ZNF8: variants seen among roughly 807,000 people sequenced by gnomAD.
ZNF8 encodes zinc finger protein 8.
A neutral mutation model predicts 12.2 loss-of-function variants in ZNF8; 9 were observed. The observed-to-expected ratio is 0.73, with a 90% CI of 0.44 to 1.28. The LOEUF (loss-of-function observed/expected upper bound fraction) is 1.28, where lower values mean the gene tolerates loss of function less well. ZNF8 is among the 50% of genes most tolerant of loss of function. ZNF8 has a pLI of 0.00. For synonymous variants in ZNF8, 274 were observed against 282.3 expected (o/e 0.97, Z 0.30); for missense variants, 664 against 729.1 (o/e 0.91, Z 1.03).
chr19:58,279,378 G>A, intron 1 of ZNF8: 2 of 1,455,080 alleles, frequency 1.4e-6, no homozygotes, highest in African/African-American at 1.4e-5. Flanking sequence ...ACGCGGCTCT[G>A]TCCTCCCCAG....
intron 2 of ZNF8, 70 bp from the exon 3 acceptor site, chr19:58,286,040 G>A (rs1234137540): frequency 7.2e-6 from 11 of 1,532,198 alleles, no homozygotes; most frequent in Non-Finnish European, 9.0e-6. Flanking sequence ...CGGGAGTCTG[G>A]TCTGGAGCCT....
intron 3 of ZNF8, among the ~76,000 whole-genome samples, chr19:58,287,845 T>C (rs953540428): frequency 6.9e-6 from 1 of 144,286 alleles, no homozygotes; most frequent in African/African-American, 2.5e-5. Flanking sequence ...CTTTTTTTCT[T>C]TTTTTTTCTT....
At chr19:58,289,750 T>C (rs2147958056) in intron 3 of ZNF8, among the ~76,000 whole-genome samples, 1 of 152,058 alleles carries the variant, frequency 6.6e-6, no homozygotes. Flanking sequence ...CCCTCCTATA[T>C]GGACTCTTTG....
At chr19:58,284,315 C>G (rs1294858998) in intron 1 of ZNF8, among the ~76,000 whole-genome samples, 1 of 152,216 alleles carries the variant, frequency 6.6e-6, no homozygotes, top group Non-Finnish European at 1.5e-5. Flanking sequence ...TTACTCTTTT[C>G]CATGTGGCTA....
Position 58,295,691 on chromosome 19 carries a change from G to T in ZNF8, c.*155G>T. 1.5e-6 allele frequency: 1 copy of T among 663,792 alleles called. No individual in the cohort carries two copies. Among genetic ancestry groups the T allele is most frequent in the Non-Finnish European group, 2.5e-6 (1 of 398,364 alleles). The allele number at this position is 663,792 out of a possible 1,614,324, so 41.1% of individuals were successfully genotyped here. A position where few individuals can be genotyped will look rare whatever the true frequency, so the allele number is the denominator to read the frequency against. On this transcript the variant is annotated 3_prime_UTR_variant, in exon 4 of 4. Coordinates refer to ENST00000621650, the MANE Select transcript of ZNF8 (RefSeq NM_021089.3). ...CTTCCCAAGCACCCGAGGTTGGTTG[G>T]TCCCAAATCTATCAAACTCAGTGCC...
chr19:58,294,828 C>T lies in ZNF8; in HGVS notation c.1020C>T (p.Pro340=), dbSNP rs768028575. ...GGAGGATTCACACTGGGGAGAAGCC[C>T]TATGAGTGTCAGGACTGTGGGAGGG... ...VHRRIHTGEK[P]YECQDCGRAF... Residue 340 remains proline (P), a synonymous_variant, in exon 4 of 4, where the codon CCC becomes CCT. Coordinates refer to ENST00000621650, the MANE Select transcript of ZNF8 (RefSeq NM_021089.3). This position sits in a 1 kb window ranked among gnomAD's most constrained non-coding sequence, Gnocchi z 5.5. The T allele has an allele frequency of 3.7e-6, 6 of 1,613,944 alleles. No individual in the cohort carries two copies. In the East Asian group the frequency reaches 1.3e-4, roughly 36 times the overall value.
chr19:58,286,932 T>G (rs1277059572), intron 3 of ZNF8: 1 of 152,412 alleles, frequency 6.6e-6, no homozygotes, highest in African/African-American at 2.4e-5. Context: ...TTCCAGGTCA[T>G]TCCCTCTCTC....
At chr19:58,291,224 G>A (rs573758740) in intron 3 of ZNF8, among the ~76,000 whole-genome samples, 1 of 152,188 alleles carries the variant, frequency 6.6e-6, no homozygotes, top group Admixed American at 6.5e-5. Context: ...GTCACCTCCT[G>A]GCTGACTACA....
intron 2 of ZNF8, 25 bp downstream of exon 2, chr19:58,285,868 A>T: frequency 1.3e-6 from 2 of 1,588,630 alleles, no homozygotes; most frequent in Non-Finnish European, 1.7e-6. Context: ...GCAAGGTGTG[A>T]TAGCTGATTC....
chr19:58,282,609 G>C (rs183619365), intron 1 of ZNF8, among the ~76,000 whole-genome samples: 19 of 151,834 alleles, frequency 1.3e-4, no homozygotes, highest in Non-Finnish European at 2.5e-4. Flanking sequence ...TATAGTTTTA[G>C]CTCTTACTTT....
chr19:58,294,060 T>A lies in ZNF8; in HGVS notation c.290-38T>A. 4 of 1,551,326 alleles carry A rather than the reference T, an allele frequency of 2.6e-6. No homozygotes were observed. Among genetic ancestry groups the A allele is most frequent in the Non-Finnish European group, 3.5e-6 (4 of 1,146,878 alleles). ...GAGGCCTGTCCCCCTTCCGTTTTTT[T>A]CTCCCAACAGCTCAGAGATCTTTGG... is the stretch of plus-strand genomic sequence containing the variant. On this transcript the variant is annotated intron_variant, in intron 3 of 3. Transcript: ENST00000621650. The surrounding 1 kb of genome is among the most constrained non-coding windows in gnomAD (Gnocchi z 5.5).
chr19:58,285,862 G>A lies in ZNF8; in HGVS notation c.193+19G>A. The A allele has an allele frequency of 8.1e-6, 13 of 1,596,138 alleles. No individual in the cohort carries two copies. The highest frequency in any genetic ancestry group is 1.1e-5 in the Non-Finnish European group (13 of 1,170,546). Reference sequence around the variant, plus strand: ...TCCATAGGTAAGCCCTGCTTCGCAAGGTGTGATAGCTGATTCTCTCTGGGT... The same window carrying A: ...TCCATAGGTAAGCCCTGCTTCGCAAAGTGTGATAGCTGATTCTCTCTGGGT... On this transcript the variant is annotated intron_variant, in intron 2 of 3. Coordinates refer to ENST00000621650, the MANE Select transcript of ZNF8 (RefSeq NM_021089.3).
intron 3 of ZNF8, among the ~76,000 whole-genome samples, chr19:58,291,367 T>C (rs2051418505): frequency 6.6e-6 from 1 of 152,230 alleles, no homozygotes; most frequent in African/African-American, 2.4e-5. Flanking sequence ...TTGGAGCCTG[T>C]CTCAACCTCA....
chr19:58,280,069 A>G (rs2051340056), intron 1 of ZNF8: 1 of 357,668 alleles, frequency 2.8e-6, no homozygotes, highest in Non-Finnish European at 5.3e-6. Flanking sequence ...GTCGTAAGAA[A>G]GGCTTGAGAG....
In ZNF8 at chr19:58,294,473, G is replaced by T. The variant is rs779863682; in HGVS notation, c.665G>T (p.Gly222Val). 8 of 1,614,018 alleles carry T rather than the reference G, an allele frequency of 5.0e-6. No homozygotes were observed. The highest frequency in any genetic ancestry group is 1.3e-5 in the African/African-American group (1 of 74,880). The change falls in exon 4 of 4, where the codon GGC (glycine) becomes GTC (valine). Residue 222 changes from glycine (G) to valine (V), a missense_variant. Around this residue, in one of 3 missense-constraint regions of ZNF8, gnomAD observed 306 missense variants for 308.7 expected, o/e 0.99. Transcript: ENST00000621650. The surrounding 1 kb of genome is among the most constrained non-coding windows in gnomAD (Gnocchi z 5.5). ...TCCAGCTTAGTCAGTCAGCAGACAG[G>T]CTCCCCAGGAAAACAGCCCGGTGAA... Reference protein sequence around the residue: ...HNSSLVSQQTGSPGKQPGENS... With the variant: ...HNSSLVSQQTVSPGKQPGENS...
rs1302903307 is a variant in ZNF8, at chr19:58,296,987, T to C, written c.*1451T>C. The C allele has an allele frequency of 2.0e-5, 3 of 152,176 alleles. No individual in the cohort carries two copies. The highest frequency in any genetic ancestry group is 7.2e-5 in the African/African-American group (3 of 41,414). The allele number at this position is 152,176 out of a possible 1,614,324, so 9.4% of individuals were successfully genotyped here. A position where few individuals can be genotyped will look rare whatever the true frequency, so the allele number is the denominator to read the frequency against. On this transcript the variant is annotated 3_prime_UTR_variant, in exon 4 of 4. Coordinates refer to ENST00000621650, the MANE Select transcript of ZNF8 (RefSeq NM_021089.3). ...TGGCTCACGCTTGTGATCCCAGCAC[T>C]GTGGGAGGCTGAGGAGGGCGGATCC...
intron 3 of ZNF8, 149 bp from the exon 4 acceptor site, chr19:58,293,949 A>G: frequency 1.5e-6 from 1 of 684,662 alleles, no homozygotes; most frequent in Non-Finnish European, 2.5e-6. Flanking sequence ...GTCTGAGGGC[A>G]CTTGATGTTA....
intron 3 of ZNF8, among the ~76,000 whole-genome samples, chr19:58,290,156 C>T (rs952626248): frequency 1.4e-5 from 2 of 146,924 alleles, no homozygotes; most frequent in Admixed American, 1.4e-4. Context: ...CTCTCTTCCC[C>T]AGACTGGACT....
chr19:58,294,648 G>A lies in ZNF8; in HGVS notation c.840G>A (p.Thr280=), dbSNP rs771993991. ...TCACCGTGCACAAGAGGATTCATAC[G>A]GGAGAAAGACCTTATATGTGCAAGG... ...AHLTVHKRIH[T]GERPYMCKEC... Residue 280 remains threonine, a synonymous_variant, in exon 4 of 4, where the codon ACG becomes ACA. Transcript: ENST00000621650. The surrounding 1 kb of genome is among the most constrained non-coding windows in gnomAD (Gnocchi z 5.5). 1.5e-5 allele frequency: 25 copies of A among 1,614,010 alleles called. No individual in the cohort carries two copies. Among genetic ancestry groups the A allele is most frequent in the Admixed American group, 1.0e-4 (6 of 60,000 alleles).
Sources: gnomAD v4.1 joint callset for allele counts (sites outside exome capture counted in the v4.1 genomes callset) on GRCh38, gnomAD v4.1.1 for gene constraint, gnomAD v4.1.1 regional missense constraint, Gnocchi (gnomAD v3.1) non-coding constraint, MANE v1.5 for transcripts, NCBI Gene and HGNC (gene_info 2026-07-23, HGNC 2026-07-21) for gene names.